NBAS: variants seen among roughly 807,000 people sequenced by gnomAD.
NBAS encodes the protein NAG/BC035112 fusion.
A neutral mutation model predicts 302.5 loss-of-function variants in NBAS; 219 were observed. The observed-to-expected ratio is 0.72, with a 90% CI of 0.65 to 0.81. NBAS has a LOEUF of 0.81. Among genes scored for constraint, NBAS ranks in the 30% least tolerant of loss-of-function variants. The pLI is 0.00. For synonymous variants in NBAS, 1,118 were observed against 1,021.6 expected, an observed-to-expected ratio of 1.09 and a Z score of -1.80; for missense variants, 2,932 against 2,841.6, an observed-to-expected ratio of 1.03 and a Z score of -0.72.
At chr2:15,097,288 C>T in the NBAS span, among the ~76,000 whole-genome samples, 1 of 152,096 alleles carries the variant, frequency 6.6e-6, no homozygotes, top group Non-Finnish European at 1.5e-5. Context: ...GTTCTATGTG[C>T]AAGACACTGG....
At chr2:15,358,684 A>G (rs889702329) in intron 32 of NBAS, among the ~76,000 whole-genome samples, 1 of 152,056 alleles carries the variant, frequency 6.6e-6, no homozygotes, top group East Asian at 1.9e-4. Flanking sequence ...GACTGAAGCA[A>G]TCCTCCTGCC....
chr2:14,948,253 T>C, the NBAS span, among the ~76,000 whole-genome samples: 3 of 152,102 alleles, frequency 2.0e-5, no homozygotes, highest in African/African-American at 7.2e-5. Context: ...TTCTTTTCCA[T>C]CTTTTTGTGG....
At chr2:15,084,353 G>C in the NBAS span, among the ~76,000 whole-genome samples, 1 of 152,220 alleles carries the variant, frequency 6.6e-6, no homozygotes, top group Non-Finnish European at 1.5e-5. Flanking sequence ...GTAAGCCACA[G>C]CACCTGGCCC....
intron 48 of NBAS, among the ~76,000 whole-genome samples, chr2:15,201,984 G>A (rs1239032701): frequency 6.6e-6 from 1 of 152,192 alleles, no homozygotes; most frequent in Non-Finnish European, 1.5e-5. Flanking sequence ...TCTAGGTCTG[G>A]TGATCAGCAA....
chr2:15,094,942 T>C, the NBAS span, among the ~76,000 whole-genome samples: 3 of 152,214 alleles, frequency 2.0e-5, no homozygotes, highest in Non-Finnish European at 4.4e-5. Context: ...ATAACCCTTT[T>C]GTTAAATTCC....
chr2:15,405,181 A>G (rs1022709201), intron 25 of NBAS, among the ~76,000 whole-genome samples: 1 of 152,166 alleles, frequency 6.6e-6, no homozygotes, highest in African/African-American at 2.4e-5. Context: ...GCTTTCCCAG[A>G]TGTCTACAGT....
chr2:15,065,609 AG>A, the NBAS span, among the ~76,000 whole-genome samples: 1 of 152,160 alleles, frequency 6.6e-6, no homozygotes, highest in Non-Finnish European at 1.5e-5. Context: ...CTATCCAAAA[AG>A]GAAATTAGGA....
the NBAS span, among the ~76,000 whole-genome samples, chr2:14,815,478 G>A: frequency 5.1e-4 from 77 of 152,288 alleles, 1 homozygote; most frequent in East Asian, 0.012. Context: ...GAAAACATCC[G>A]AAAGCTGTGT....
At chr2:15,327,656 T>G in intron 38 of NBAS, 94 bp downstream of exon 38, 1 of 1,465,090 alleles carries the variant, frequency 6.8e-7, no homozygotes, top group Non-Finnish European at 9.5e-7. Flanking sequence ...ACTGAAAAAT[T>G]TCTTTTCCAA....
intron 38 of NBAS, among the ~76,000 whole-genome samples, chr2:15,326,964 C>T (rs1558537097): frequency 6.6e-6 from 1 of 152,068 alleles, no homozygotes; most frequent in Non-Finnish European, 1.5e-5. Context: ...TATGCATTTT[C>T]CCAAATTTTA....
intron 34 of NBAS, among the ~76,000 whole-genome samples, chr2:15,352,364 A>G (rs1673402427): frequency 6.6e-6 from 1 of 152,180 alleles, no homozygotes; most frequent in Non-Finnish European, 1.5e-5. Flanking sequence ...TCTTGCCTCC[A>G]AAGAAGAAAA....
chr2:15,143,730 C>A, the NBAS span, among the ~76,000 whole-genome samples: 1 of 152,138 alleles, frequency 6.6e-6, no homozygotes, highest in East Asian at 1.9e-4. Flanking sequence ...GAGGGTGCTG[C>A]CACAGAGATT....
intron 32 of NBAS, among the ~76,000 whole-genome samples, chr2:15,358,895 G>C (rs985790384): frequency 2.0e-5 from 3 of 152,096 alleles, no homozygotes; most frequent in African/African-American, 7.2e-5. Context: ...GGGGCTCAAG[G>C]GATCACAGTT....
chr2:14,785,385 C>T, the NBAS span, among the ~76,000 whole-genome samples: 7 of 152,104 alleles, frequency 4.6e-5, no homozygotes, highest in Admixed American at 4.6e-4. Context: ...AGAGGGCATC[C>T]CTGTGTTGTG....
rs1454785612 is a variant in NBAS, at chr2:15,554,122, G to A, written c.226C>T (p.Leu76Phe). The A allele has an allele frequency of 1.9e-6, 3 of 1,613,512 alleles. No individual in the cohort carries two copies. Among genetic ancestry groups the A allele is most frequent in the East Asian group, 2.2e-5 (1 of 44,862 alleles). Residue 76 changes from leucine (L) to phenylalanine (F), a missense_variant, in exon 4 of 52, where the codon CTC (leucine) becomes TTC (phenylalanine). By Grantham distance (22) the Leu-to-Phe change is conservative. Coordinates refer to ENST00000281513, the MANE Select transcript of NBAS (RefSeq NM_015909.4). ...ACCAAGCGAACCAGTCCATCAGGGA[G>A]CAAAAAAGGTGCCGGGCTGAAATCA... is the stretch of plus-strand genomic sequence containing the variant. The part of the protein sequence containing the change: ...YIWYSPAPFL[L>F]PDGLVRLVNK...
chr2:15,055,740 C>T, the NBAS span, among the ~76,000 whole-genome samples: 1 of 152,168 alleles, frequency 6.6e-6, no homozygotes, highest in Non-Finnish European at 1.5e-5. Flanking sequence ...GAAAATACAG[C>T]ATGGCAATGG....
At chr2:14,847,007 CA>C in the NBAS span, among the ~76,000 whole-genome samples, 5 of 152,120 alleles carry the variant, frequency 3.3e-5, no homozygotes, top group African/African-American at 1.2e-4. Flanking sequence ...CCTCTCCAAT[CA>C]AAAGAAATAG....
the NBAS span, among the ~76,000 whole-genome samples, chr2:14,817,667 T>C: frequency 6.6e-6 from 1 of 152,186 alleles, no homozygotes; most frequent in Non-Finnish European, 1.5e-5. Context: ...TCAGAAGAAA[T>C]AATATACCTA....
chr2:15,201,660 T>C (rs963692491), intron 48 of NBAS, among the ~76,000 whole-genome samples: 1 of 152,230 alleles, frequency 6.6e-6, no homozygotes, highest in African/African-American at 2.4e-5. Context: ...CATTTCTGGA[T>C]ATTTATGGAT....
Sources: gnomAD v4.1 joint callset for allele counts (sites outside exome capture counted in the v4.1 genomes callset) on GRCh38, gnomAD v4.1.1 for gene constraint, MANE v1.5 for transcripts, NCBI Gene and HGNC (gene_info 2026-07-23, HGNC 2026-07-21) for gene names.